Variants in SVOPL observed in about 807,000 individuals in gnomAD.
SVOPL encodes putative transporter SVOPL.
SVOPL carries 60 observed loss-of-function variants against 61.0 expected under a neutral mutation model. The observed-to-expected ratio is 0.98, with a 90% CI of 0.80 to 1.22. The LOEUF (loss-of-function observed/expected upper bound fraction) is 1.22. Ranked by LOEUF, SVOPL falls within the 50% of genes most tolerant of loss-of-function variation. The pLI, the probability that SVOPL is intolerant of heterozygous loss-of-function variation, is 0.00. For synonymous variants in SVOPL, 279 were observed against 250.0 expected (o/e 1.12, Z -1.09); for missense variants, 662 against 643.9 (o/e 1.03, Z -0.30).
intron 13 of SVOPL, among the ~76,000 whole-genome samples, chr7:138,622,370 C>T (rs1371284479): frequency 6.6e-6 from 1 of 152,164 alleles, no homozygotes; most frequent in Non-Finnish European, 1.5e-5. Context: ...TTTTGGCTCA[C>T]TGCATCATCC....
intron 9 of SVOPL, among the ~76,000 whole-genome samples, chr7:138,636,130 A>G (rs1427334288): frequency 6.6e-6 from 1 of 152,096 alleles, no homozygotes; most frequent in South Asian, 2.1e-4. Flanking sequence ...AGGTTTCACC[A>G]TGTTGGTCAG....
In SVOPL at chr7:138,627,657, G is replaced by A. The variant is rs142646632; in HGVS notation, c.1070-196C>T. 1.6e-4 allele frequency among the ~76,000 whole-genome samples: 24 copies of A among 152,290 alleles called. No individual in the cohort carries two copies. In the East Asian group the frequency reaches 4.6e-3, roughly 29 times the overall value. ...CATATACTTTACCCACGTGGGTCCA[G>A]GAATGATAAGCACTGGTGCCCAGAA... On this transcript the variant is annotated intron_variant, in intron 11 of 15. Transcript: ENST00000674285.
In SVOPL at chr7:138,656,438, G is replaced by T; in HGVS notation, c.534+10C>A. On this transcript the variant is annotated intron_variant, in intron 7 of 15. Coordinates refer to ENST00000674285, the MANE Select transcript of SVOPL (RefSeq NM_001139456.2). ...TGCCAAAGGCAGGTAGAACTCCTACGTTGCCTTACCTGAGACAAGGGTAAC... is the reference window on the plus strand; with the variant it reads ...TGCCAAAGGCAGGTAGAACTCCTACTTTGCCTTACCTGAGACAAGGGTAAC... The T allele has an allele frequency of 1.1e-5, 17 of 1,613,672 alleles. No individual in the cohort carries two copies. The highest frequency in any genetic ancestry group is 1.4e-5 in the Non-Finnish European group (16 of 1,179,816).
intron 3 of SVOPL, among the ~76,000 whole-genome samples, chr7:138,676,947 G>GCCCA (rs1802578778): frequency 8.8e-6 from 1 of 113,842 alleles, no homozygotes; most frequent in African/African-American, 3.4e-5. Context: ...TCTGTCATCA[G>GCCCA]GGCTGGAGTG....
At chr7:138,605,046 G>C (rs1259109093) in intron 14 of SVOPL, among the ~76,000 whole-genome samples, 1 of 151,484 alleles carries the variant, frequency 6.6e-6, no homozygotes, top group Non-Finnish European at 1.5e-5. Flanking sequence ...TGAGCCCTGA[G>C]CTCTAAAAAA....
intron 1 of SVOPL, chr7:138,689,166 T>C: frequency 2.0e-6 from 2 of 1,011,722 alleles, no homozygotes; most frequent in Non-Finnish European, 3.1e-6. Flanking sequence ...ATTCCGATGT[T>C]ACAATGGTGG....
chr7:138,625,999 G>A lies in SVOPL; in HGVS notation c.1233C>T (p.Asn411=). ...LFMLRALVAA[N]FNTVYIYTAE... ...CTGTGTAAATGTAGACGGTGTTGAA[G>A]TTTGCAGCTACCAGAGCCCTCAGCA... The change falls in exon 13 of 16, where the codon AAC becomes AAT. Residue 411 remains asparagine, a synonymous_variant. Transcript: ENST00000674285. 6.2e-7 allele frequency: 1 copy of A among 1,614,162 alleles called. No homozygotes were observed. The highest frequency in any genetic ancestry group is 8.5e-7 in the Non-Finnish European group (1 of 1,180,042).
intron 9 of SVOPL, among the ~76,000 whole-genome samples, chr7:138,631,177 G>C (rs1222151971): frequency 6.6e-6 from 1 of 152,076 alleles, no homozygotes; most frequent in Non-Finnish European, 1.5e-5. Flanking sequence ...GGAACTTAGA[G>C]GTCTTTTGCT....
intron 14 of SVOPL, among the ~76,000 whole-genome samples, chr7:138,597,577 A>AT (rs534848004): frequency 4.3e-4 from 5 of 11,604 alleles, no homozygotes; most frequent in East Asian, 2.6e-3. Context: ...GACAGGTACT[A>AT]ATGCTGATTT....
At chr7:138,690,136 T>C (rs1175967182) in intron 1 of SVOPL, among the ~76,000 whole-genome samples, 2 of 152,178 alleles carry the variant, frequency 1.3e-5, no homozygotes, top group Non-Finnish European at 2.9e-5. Flanking sequence ...CTCAGACTTC[T>C]AGCCTCTCGA....
At chr7:138,595,854 TA>T (rs1377706899) in intron 15 of SVOPL, among the ~76,000 whole-genome samples, 3 of 152,122 alleles carry the variant, frequency 2.0e-5, no homozygotes, top group Non-Finnish European at 4.4e-5. Flanking sequence ...CTAATCTGAT[TA>T]AAATGCATTG....
intron 9 of SVOPL, among the ~76,000 whole-genome samples, chr7:138,643,114 A>G (rs957220069): frequency 9.2e-5 from 14 of 152,090 alleles, no homozygotes; most frequent in African/African-American, 2.7e-4. Flanking sequence ...ACATCTGGGT[A>G]TATATCCAGA....
intron 1 of SVOPL, among the ~76,000 whole-genome samples, chr7:138,682,287 G>GA (rs1404970801): frequency 4.2e-4 from 64 of 152,138 alleles, no homozygotes; most frequent in Non-Finnish European, 7.3e-5. Flanking sequence ...TGAACCCACT[G>GA]AAAAATCTTA....
intron 3 of SVOPL, among the ~76,000 whole-genome samples, chr7:138,672,581 A>T (rs761442985): frequency 1.3e-5 from 2 of 151,690 alleles, no homozygotes; most frequent in Non-Finnish European, 2.9e-5. Flanking sequence ...AGTAAGATTC[A>T]TGAAAGCTGG....
At chr7:138,602,632 C>T (rs926184525) in intron 14 of SVOPL, among the ~76,000 whole-genome samples, 22 of 152,090 alleles carry the variant, frequency 1.4e-4, no homozygotes, top group African/African-American at 5.3e-4. Context: ...TCTGGACAAG[C>T]TTATGAGAAA....
At chr7:138,622,144 A>ATCTATGTATCTATCTG (rs1799657838) in intron 13 of SVOPL, among the ~76,000 whole-genome samples, 1 of 131,730 alleles carries the variant, frequency 7.6e-6, no homozygotes, top group African/African-American at 2.6e-5. Flanking sequence ...CTATGTATCT[A>ATCTATGTATCTATCTG]TCTATGTATC....
At chr7:138,636,377 T>G (rs4409346) in intron 9 of SVOPL, among the ~76,000 whole-genome samples, 11,157 of 151,790 alleles carry the variant, frequency 0.074, 1,345 homozygotes, top group African/African-American at 0.25. Context: ...GAAATACACT[T>G]AAAGCAGGGC....
At chr7:138,654,781 T>G (rs1022242992) in intron 7 of SVOPL, among the ~76,000 whole-genome samples, 3 of 151,678 alleles carry the variant, frequency 2.0e-5, no homozygotes, top group African/African-American at 7.3e-5. Context: ...AGAATAGCCA[T>G]GAGTTTCAGA....
chr7:138,641,835 A>ATATATATAG (rs1208355061), intron 9 of SVOPL, among the ~76,000 whole-genome samples: 1 of 20,070 alleles, frequency 5.0e-5, no homozygotes, highest in East Asian at 5.1e-3. Context: ...TATATATATA[A>ATATATATAG]CATATATATA....
Sources: gnomAD v4.1 joint callset for allele counts (sites outside exome capture counted in the v4.1 genomes callset) on GRCh38, gnomAD v4.1.1 for gene constraint, MANE v1.5 for transcripts, NCBI Gene and HGNC (gene_info 2026-07-23, HGNC 2026-07-21) for gene names.